MARCHF1: variants seen among roughly 807,000 people sequenced by gnomAD.
The protein encoded by MARCHF1 is membrane associated ring-CH-type finger 1, also known as E3 ubiquitin-protein ligase MARCHF1.
A neutral mutation model predicts 54.2 loss-of-function variants in MARCHF1; 40 were observed. That is an observed-to-expected ratio of 0.74 (90% CI 0.57 to 0.96). MARCHF1 has a LOEUF of 0.96. MARCHF1 is among the 40% of genes least tolerant of loss of function. MARCHF1 has a pLI of 0.00. For missense variants in MARCHF1, 586 were observed against 656.5 expected (o/e 0.89, Z 1.17); for synonymous variants, 236 against 236.3 (o/e 1.00, Z 0.01).
rs1741373346 is a variant in MARCHF1 at position 163,612,420 on chromosome 4, C to T, written c.861G>A (p.Lys287=). 1 of 1,535,366 alleles carries T rather than the reference C, an allele frequency of 6.5e-7. No homozygotes were observed. The highest frequency in any genetic ancestry group is 1.2e-5 in the South Asian group (1 of 84,028). The change falls in exon 7 of 10, where the codon AAG becomes AAA. Residue 287 remains lysine (K), a synonymous_variant. Coordinates refer to ENST00000514618, the MANE Select transcript of MARCHF1 (RefSeq NM_001394959.1). ...TGCTGGAATCTGTTTCTGAAAATGT[C>T]TTCTTCATTATTTCATTTTTCCTAA... ...QSLRKNEIMK[K]TFSETDSSTE...
chr4:164,018,641 A>G (rs1753596678), intron 2 of MARCHF1, among the ~76,000 whole-genome samples: 1 of 152,156 alleles, frequency 6.6e-6, no homozygotes, highest in African/African-American at 2.4e-5. Context: ...TACATAACCC[A>G]TTAGTAAAAC....
At chr4:164,015,900 C>CA (rs770216277) in intron 2 of MARCHF1, among the ~76,000 whole-genome samples, 26,683 of 143,370 alleles carry the variant, frequency 0.19, 2,607 homozygotes, top group South Asian at 0.24. Flanking sequence ...TAAGTTTCCC[C>CA]AAAAAAAAAA....
intron 1 of MARCHF1, among the ~76,000 whole-genome samples, chr4:164,208,119 T>A (rs1243560501): frequency 6.6e-6 from 1 of 152,156 alleles, no homozygotes; most frequent in African/African-American, 2.4e-5. Flanking sequence ...AGGAGCTCTG[T>A]GTCAAGGGAT....
At chr4:163,796,352 G>A (rs551147601) in intron 4 of MARCHF1, among the ~76,000 whole-genome samples, 3 of 149,270 alleles carry the variant, frequency 2.0e-5, no homozygotes, top group Non-Finnish European at 3.0e-5. Context: ...TCAGCCTCCC[G>A]AGTAGCTGGG....
intron 4 of MARCHF1, among the ~76,000 whole-genome samples, chr4:163,714,479 T>G (rs1309792469): frequency 6.6e-6 from 1 of 152,228 alleles, no homozygotes; most frequent in East Asian, 1.9e-4. Flanking sequence ...CTTAATAAAC[T>G]GTTTCTCAAT....
intron 4 of MARCHF1, among the ~76,000 whole-genome samples, chr4:163,747,642 T>C (rs2110762894): frequency 6.6e-6 from 1 of 152,262 alleles, no homozygotes; most frequent in African/African-American, 2.4e-5. Flanking sequence ...GAGGACCAAA[T>C]TGAACTTCTA....
chr4:164,379,697 A>G (rs1434760945), intron 1 of MARCHF1, among the ~76,000 whole-genome samples: 1 of 152,198 alleles, frequency 6.6e-6, no homozygotes, highest in African/African-American at 2.4e-5. Flanking sequence ...AAAGAATAAC[A>G]AATGTTGGCC....
At chr4:163,899,267 T>C (rs1437083995) in intron 3 of MARCHF1, among the ~76,000 whole-genome samples, 1 of 152,224 alleles carries the variant, frequency 6.6e-6, no homozygotes, top group Non-Finnish European at 1.5e-5. Flanking sequence ...CATTAGACTT[T>C]TACTTGTACC....
chr4:163,906,466 T>A (rs969601444), intron 3 of MARCHF1, among the ~76,000 whole-genome samples: 5 of 150,844 alleles, frequency 3.3e-5, no homozygotes, highest in Non-Finnish European at 5.9e-5. Flanking sequence ...ATTCAAATAT[T>A]TTTTTTTCAA....
chr4:164,330,820 T>G (rs972630129), intron 1 of MARCHF1, among the ~76,000 whole-genome samples: 37 of 152,200 alleles, frequency 2.4e-4, no homozygotes, highest in African/African-American at 7.5e-4. Flanking sequence ...CCACATTTTT[T>G]GAAACGAAGC....
At chr4:164,356,636 T>G (rs930062125) in intron 1 of MARCHF1, among the ~76,000 whole-genome samples, 3 of 140,110 alleles carry the variant, frequency 2.1e-5, no homozygotes, top group South Asian at 4.6e-4. Flanking sequence ...GTGGGGAGGG[T>G]TAGCATTGGG....
chr4:164,127,171 C>G, intron 1 of MARCHF1, among the ~76,000 whole-genome samples: 1 of 152,146 alleles, frequency 6.6e-6, no homozygotes, highest in East Asian at 1.9e-4. Flanking sequence ...TTTCTGTCCT[C>G]GTGTTTTGTG....
intron 1 of MARCHF1, among the ~76,000 whole-genome samples, chr4:164,238,766 C>G (rs1014674017): frequency 9.2e-5 from 14 of 151,850 alleles, no homozygotes; most frequent in Admixed American, 6.6e-5. Flanking sequence ...AAACTCTTGT[C>G]AATTTTGCCA....
chr4:164,282,240 A>G (rs1263510933), intron 1 of MARCHF1, among the ~76,000 whole-genome samples: 1 of 150,644 alleles, frequency 6.6e-6, no homozygotes, highest in Admixed American at 6.8e-5. Flanking sequence ...TACAAGCCCT[A>G]TCATCTCCAA....
At chr4:163,671,643 C>G (rs1743740947) in intron 5 of MARCHF1, among the ~76,000 whole-genome samples, 1 of 152,142 alleles carries the variant, frequency 6.6e-6, no homozygotes, top group Middle Eastern at 3.4e-3. Context: ...ATTCCTTATG[C>G]TATATTTTCT....
chr4:164,171,363 CAT>C (rs1421615303), intron 1 of MARCHF1, among the ~76,000 whole-genome samples: 1 of 152,036 alleles, frequency 6.6e-6, no homozygotes, highest in East Asian at 1.9e-4. Context: ...AATTAAGCAA[CAT>C]TAACAAGAAT....
At chr4:163,689,618 A>G (rs1744380062) in intron 5 of MARCHF1, among the ~76,000 whole-genome samples, 1 of 152,136 alleles carries the variant, frequency 6.6e-6, no homozygotes, top group Non-Finnish European at 1.5e-5. Context: ...AGAGTCAATA[A>G]CTAACTACTT....
chr4:164,352,682 G>A (rs1297696742), intron 1 of MARCHF1, among the ~76,000 whole-genome samples: 6 of 148,552 alleles, frequency 4.0e-5, no homozygotes, highest in African/African-American at 7.4e-5. Flanking sequence ...GACCATCGAG[G>A]CTAGGAAGAA....
In MARCHF1 at chr4:163,737,192, G is replaced by A. The variant is rs1221228936; in HGVS notation, c.112-36329C>T. ...TTTTTTTTTTTTTTTTCACATATTAGTTTATTTATTTATTTTTTTTAATTT... is the reference window on the plus strand; with the variant it reads ...TTTTTTTTTTTTTTTTCACATATTAATTTATTTATTTATTTTTTTTAATTT... On this transcript the variant is annotated intron_variant, in intron 4 of 9. Transcript: ENST00000514618. 2.5e-5 allele frequency among the ~76,000 whole-genome samples: 2 copies of A among 79,850 alleles called. 1 individual carries two copies. Among genetic ancestry groups the A allele is most frequent in the Admixed American group, 2.4e-4 (2 of 8,466 alleles). 52.4% of individuals were successfully genotyped at this position (79,850 alleles called of 152,430 possible).
Sources: allele counts gnomAD v4.1 joint callset (sites outside exome capture counted in the v4.1 genomes callset), GRCh38; gene constraint gnomAD v4.1.1; transcripts MANE v1.5; gene names NCBI Gene and HGNC (gene_info 2026-07-23, HGNC 2026-07-21).